S100Z: variants seen among roughly 807,000 people sequenced by gnomAD.
S100Z encodes S100 calcium binding protein Z, also known as protein S100-Z.
A neutral mutation model predicts 8.5 loss-of-function variants in S100Z; 11 were observed. The ratio of observed to expected loss-of-function variants is 1.30; its 90% CI spans 0.82 to 2.15. The LOEUF is 2.15. Ranked by LOEUF, S100Z falls within the 30% of genes most tolerant of loss-of-function variation. The pLI, the probability that S100Z is intolerant of heterozygous loss-of-function variation, is 0.00. For synonymous variants in S100Z, 34 were observed against 43.8 expected (o/e 0.78, Z 0.89); for missense variants, 126 against 117.9 (o/e 1.07, Z -0.32).
intron 4 of S100Z, among the ~76,000 whole-genome samples, chr5:76,884,925 T>C (rs1743547134): frequency 6.6e-6 from 1 of 151,730 alleles, no homozygotes; most frequent in Non-Finnish European, 1.5e-5. Flanking sequence ...GAAGAAAGAT[T>C]TGGGACGAGT....
At chr5:76,876,081 C>T (rs114235983) in intron 3 of S100Z, among the ~76,000 whole-genome samples, 1,590 of 152,178 alleles carry the variant, frequency 0.01, 19 homozygotes, top group African/African-American at 0.036. Context: ...TATATGAAGC[C>T]GTACATTGTA....
At chr5:76,879,368 C>G (rs1743312715) in intron 4 of S100Z, among the ~76,000 whole-genome samples, 2 of 152,174 alleles carry the variant, frequency 1.3e-5, no homozygotes, top group Admixed American at 6.5e-5. Flanking sequence ...AATGACAGCT[C>G]TCTGGTTATC....
intron 4 of S100Z, among the ~76,000 whole-genome samples, chr5:76,884,350 AT>A (rs971348502): frequency 6.6e-6 from 1 of 152,128 alleles, no homozygotes; most frequent in Non-Finnish European, 1.5e-5. Flanking sequence ...TGATAGTTCC[AT>A]TGGGATCTTC....
intron 4 of S100Z, among the ~76,000 whole-genome samples, chr5:76,880,595 G>A (rs979534761): frequency 2.0e-5 from 3 of 152,148 alleles, no homozygotes; most frequent in African/African-American, 4.8e-5. Context: ...ATGCGGTTTT[G>A]TATGAATTGA....
Position 76,874,040 on chromosome 5 carries a change from C to CT in S100Z, c.-56-1264_-56-1263insT, listed in dbSNP as rs72593793. Among the ~76,000 whole-genome samples the CT allele has an allele frequency of 2.0e-4, 30 of 152,084 alleles. No homozygotes were observed. The East Asian group carries it at 4.6e-3, about 24-fold the overall frequency. ...AACCACTCTGTTCTACCCTTTCCCC[C>CT]CTTACCCCTGACAGCTCCCAACATA... On this transcript the variant is annotated intron_variant, in intron 2 of 4. Coordinates refer to ENST00000317593, the MANE Select transcript of S100Z (RefSeq NM_130772.4).
chr5:76,918,693 CATT>C (rs1156882241), intron 4 of S100Z, among the ~76,000 whole-genome samples: 2 of 152,216 alleles, frequency 1.3e-5, no homozygotes, highest in African/African-American at 2.4e-5. Flanking sequence ...GTTGACACAT[CATT>C]ATTACCCAGT....
chr5:76,861,916 A>T (rs1037243702), intron 1 of S100Z, among the ~76,000 whole-genome samples: 3 of 152,156 alleles, frequency 2.0e-5, no homozygotes, highest in African/African-American at 7.2e-5. Flanking sequence ...TCAATGTTTA[A>T]CAGCCTTCAT....
chr5:76,942,261 G>A, the S100Z span, among the ~76,000 whole-genome samples: 3 of 151,766 alleles, frequency 2.0e-5, no homozygotes, highest in African/African-American at 7.3e-5. Context: ...ATAGGCGCCC[G>A]CCACCATGCC....
chr5:76,898,601 G>T (rs111472969), intron 4 of S100Z, among the ~76,000 whole-genome samples: 1 of 152,042 alleles, frequency 6.6e-6, no homozygotes, highest in Non-Finnish European at 1.5e-5. Flanking sequence ...ATGATGTATC[G>T]CATTGATTGA....
At chr5:76,885,282 G>T (rs1743563814) in intron 4 of S100Z, among the ~76,000 whole-genome samples, 1 of 152,158 alleles carries the variant, frequency 6.6e-6, no homozygotes, top group African/African-American at 2.4e-5. Context: ...TGGAGAGAAG[G>T]GGTAGGGGGT....
chr5:76,875,168 G>C (rs1159965044), intron 2 of S100Z, 136 bp from the exon 3 acceptor site: 1 of 432,538 alleles, frequency 2.3e-6, no homozygotes, highest in Admixed American at 4.4e-5. Flanking sequence ...TGGGATTACA[G>C]GCTTGAGCCA....
intron 2 of S100Z, among the ~76,000 whole-genome samples, chr5:76,873,322 T>G (rs149364757): frequency 1.1e-5 from 1 of 90,362 alleles, no homozygotes; most frequent in Admixed American, 1.1e-4. Context: ...TTTTTTTTTT[T>G]TTTTTGAGAC....
At chr5:76,928,571 A>G in the S100Z span, among the ~76,000 whole-genome samples, 1 of 152,218 alleles carries the variant, frequency 6.6e-6, no homozygotes, top group South Asian at 2.1e-4. Flanking sequence ...TCAAAGCCAC[A>G]CAGATTCCAT....
chr5:76,899,597 T>C (rs570271457), intron 4 of S100Z, among the ~76,000 whole-genome samples: 1 of 152,292 alleles, frequency 6.6e-6, no homozygotes, highest in African/African-American at 2.4e-5. Context: ...AACAACACTA[T>C]TTGTATAAAC....
chr5:76,945,143 C>G, the S100Z span, among the ~76,000 whole-genome samples: 3 of 152,194 alleles, frequency 2.0e-5, no homozygotes, highest in Admixed American at 2.0e-4. Flanking sequence ...TTTAAGGGAT[C>G]TAGGGCTGTG....
At chr5:76,917,112 T>TGA (rs1191348261) in intron 4 of S100Z, among the ~76,000 whole-genome samples, 1 of 104,748 alleles carries the variant, frequency 9.5e-6, no homozygotes, top group Non-Finnish European at 1.7e-5. Flanking sequence ...GGTGACAGAG[T>TGA]GAGACTGTCT....
At chr5:76,941,452 A>G in the S100Z span, among the ~76,000 whole-genome samples, 1 of 152,176 alleles carries the variant, frequency 6.6e-6, no homozygotes, top group Non-Finnish European at 1.5e-5. Context: ...GCCTGCCGCC[A>G]TGTAAGAGGT....
rs2150675085 is a variant in S100Z, at chr5:76,906,277, G to T, written c.*3-14440G>T. Among the ~76,000 whole-genome samples the T allele has an allele frequency of 1.3e-5, 2 of 152,044 alleles. 1 individual carries two copies. The highest frequency in any genetic ancestry group is 6.8e-3 in the Middle Eastern group (2 of 294). ...TTTAATCACTTCACATATTTTTTTGGTGATGAGAACACTTAAAATCTAATC... is the reference window on the plus strand; with the variant it reads ...TTTAATCACTTCACATATTTTTTTGTTGATGAGAACACTTAAAATCTAATC... On this transcript the variant is annotated intron_variant, in intron 4 of 4. Transcript: ENST00000317593.
At chr5:76,923,039 A>G (rs192412455), downstream of S100Z, among the ~76,000 whole-genome samples, 30 of 151,536 alleles carry the variant, frequency 2.0e-4, no homozygotes, top group African/African-American at 6.8e-4. Flanking sequence ...GGGCTTCTAA[A>G]AAAACACAAT....
Sources: gnomAD v4.1 joint callset for allele counts (sites outside exome capture counted in the v4.1 genomes callset) on GRCh38, gnomAD v4.1.1 for gene constraint, MANE v1.5 for transcripts, NCBI Gene and HGNC (gene_info 2026-07-23, HGNC 2026-07-21) for gene names.